Variants in SCN8A observed in about 807,000 individuals in gnomAD.
The protein encoded by SCN8A is sodium channel protein type 8 subunit alpha.
SCN8A carries 30 observed loss-of-function variants against 184.1 expected under a neutral mutation model. The ratio of observed to expected loss-of-function variants is 0.16; its 90% CI spans 0.12 to 0.22. The LOEUF is 0.22. Among genes scored for constraint, SCN8A ranks in the 10% least tolerant of loss-of-function variants. The pLI is 1.00. For synonymous variants in SCN8A, 852 were observed against 907.0 expected, an observed-to-expected ratio of 0.94 and a Z score of 1.09; for missense variants, 1,057 against 2,498.9, an observed-to-expected ratio of 0.42 and a Z score of 12.30.
intron 12 of SCN8A, among the ~76,000 whole-genome samples, chr12:51,732,843 T>A (rs1243659656): frequency 6.6e-6 from 1 of 152,132 alleles, no homozygotes; most frequent in East Asian, 1.9e-4. Flanking sequence ...TTACTTTTTT[T>A]ATTTCTTTTT....
intron 17 of SCN8A, 140 bp from the exon 18 acceptor site, chr12:51,769,728 T>C (rs1942893754): frequency 4.5e-6 from 3 of 665,420 alleles, no homozygotes; most frequent in Non-Finnish European, 8.0e-6. Flanking sequence ...GTGGATATGG[T>C]TTGCTTATCG....
chr12:51,688,458 C>T (rs1249051625), intron 5 of SCN8A, among the ~76,000 whole-genome samples: 2 of 152,168 alleles, frequency 1.3e-5, no homozygotes, highest in Admixed American at 6.5e-5. Flanking sequence ...TTGATACCTC[C>T]TGGCCTTCCT....
At chr12:51,703,939 T>G (rs1941734825) in intron 9 of SCN8A, among the ~76,000 whole-genome samples, 1 of 152,084 alleles carries the variant, frequency 6.6e-6, no homozygotes, top group Non-Finnish European at 1.5e-5. Flanking sequence ...AGAGTCTCGC[T>G]CTGTCGCCCA....
intron 11 of SCN8A, among the ~76,000 whole-genome samples, chr12:51,710,893 C>T (rs978263656): frequency 6.6e-6 from 1 of 152,164 alleles, no homozygotes; most frequent in Non-Finnish European, 1.5e-5. Context: ...TACATATACT[C>T]TGTGTGCATA....
At chr12:51,720,521 G>A (rs1942035820) in intron 11 of SCN8A, among the ~76,000 whole-genome samples, 1 of 150,976 alleles carries the variant, frequency 6.6e-6, no homozygotes, top group Admixed American at 6.6e-5. Context: ...GAGTTAATGG[G>A]TGCAGCACAC....
intron 12 of SCN8A, among the ~76,000 whole-genome samples, chr12:51,730,895 C>T (rs1942230122): frequency 6.6e-6 from 1 of 152,232 alleles, no homozygotes; most frequent in African/African-American, 2.4e-5. Context: ...AACCATCCTT[C>T]TACTTTCTAT....
intron 26 of SCN8A, among the ~76,000 whole-genome samples, chr12:51,799,979 A>G (rs1028486994): frequency 3.3e-5 from 5 of 152,206 alleles, no homozygotes; most frequent in African/African-American, 9.7e-5. Flanking sequence ...TGTGTTTGCT[A>G]CTTCTCGCTC....
intron 2 of SCN8A, among the ~76,000 whole-genome samples, chr12:51,680,048 T>A (rs1044062409): frequency 6.6e-6 from 1 of 152,168 alleles, no homozygotes; most frequent in Non-Finnish European, 1.5e-5. Flanking sequence ...AAAAACTGCA[T>A]GCAAATTATC....
intron 1 of SCN8A, among the ~76,000 whole-genome samples, chr12:51,658,076 C>T (rs374809374): frequency 2.0e-5 from 3 of 152,100 alleles, no homozygotes; most frequent in East Asian, 3.9e-4. Flanking sequence ...TCCTTTTGCT[C>T]AGGATTACTT....
At chr12:51,803,935 T>C (rs753860849) in intron 26 of SCN8A, among the ~76,000 whole-genome samples, 2 of 152,176 alleles carry the variant, frequency 1.3e-5, no homozygotes, top group African/African-American at 2.4e-5. Context: ...GGGGATTCTA[T>C]AGCCTTCTGC....
chr12:51,770,793 T>G (rs1273076813), intron 19 of SCN8A, 110 bp downstream of exon 19: 1 of 1,149,982 alleles, frequency 8.7e-7, no homozygotes, highest in Non-Finnish European at 1.3e-6. Flanking sequence ...AGATTGGCTG[T>G]GGTCCCAAGA....
At chr12:51,615,425 A>T (rs946052603) in intron 1 of SCN8A, among the ~76,000 whole-genome samples, 2 of 152,114 alleles carry the variant, frequency 1.3e-5, no homozygotes, top group African/African-American at 4.8e-5. Context: ...GTGGTGGCTC[A>T]TGCCTGTGGT....
intron 1 of SCN8A, among the ~76,000 whole-genome samples, chr12:51,591,883 G>T (rs984252908): frequency 1.3e-5 from 2 of 151,382 alleles, no homozygotes; most frequent in Non-Finnish European, 2.9e-5. Context: ...GGTTCTTCCC[G>T]CAGCCAGCAC....
intron 13 of SCN8A, among the ~76,000 whole-genome samples, chr12:51,749,126 A>G (rs546095098): frequency 2.6e-5 from 4 of 152,248 alleles, no homozygotes; most frequent in African/African-American, 4.8e-5. Flanking sequence ...TTGCAAAGTC[A>G]TAAGTCACTT....
At chr12:51,646,115 G>A (rs1441049781) in intron 1 of SCN8A, among the ~76,000 whole-genome samples, 1 of 151,620 alleles carries the variant, frequency 6.6e-6, no homozygotes, top group African/African-American at 2.4e-5. Flanking sequence ...TAGTCTACAG[G>A]ATGCCACTAA....
At chr12:51,607,120 C>G (rs552075541) in intron 1 of SCN8A, among the ~76,000 whole-genome samples, 1 of 152,242 alleles carries the variant, frequency 6.6e-6, no homozygotes, top group East Asian at 1.9e-4. Flanking sequence ...TGGTCTTGAA[C>G]TCCTGACCTC....
intron 1 of SCN8A, among the ~76,000 whole-genome samples, chr12:51,618,817 C>T (rs1349667113): frequency 1.3e-5 from 2 of 152,112 alleles, no homozygotes; most frequent in South Asian, 4.2e-4. Context: ...GCCTCGAGGT[C>T]CTGGGAGGAG....
At chr12:51,748,414 A>G (rs964319015) in intron 13 of SCN8A, among the ~76,000 whole-genome samples, 2 of 152,166 alleles carry the variant, frequency 1.3e-5, no homozygotes, top group Non-Finnish European at 2.9e-5. Flanking sequence ...CATGCTTACC[A>G]GGATCCAGCA....
chr12:51,811,085 T>A lies in SCN8A; in HGVS notation c.*3656T>A, dbSNP rs1938878899. 6.6e-6 allele frequency: 1 copy of A among 152,128 alleles called. No individual in the cohort carries two copies. Among genetic ancestry groups the A allele is most frequent in the African/African-American group, 2.4e-5 (1 of 41,434 alleles). 9.4% of individuals were successfully genotyped at this position (152,128 alleles called of 1,614,324 possible). ...AAGCCAAAAGGAAACAAAATAAAAA[T>A]GACCCTTTTTACTGTACAAGGGAAG... On this transcript the variant is annotated 3_prime_UTR_variant, in exon 27 of 27. Coordinates refer to ENST00000627620, the MANE Select transcript of SCN8A (RefSeq NM_001330260.2).
Sources: allele counts gnomAD v4.1 joint callset (sites outside exome capture counted in the v4.1 genomes callset), GRCh38; gene constraint gnomAD v4.1.1; transcripts MANE v1.5; gene names NCBI Gene and HGNC (gene_info 2026-07-23, HGNC 2026-07-21).